NTRK3: variants seen among roughly 807,000 people sequenced by gnomAD.
NTRK3 encodes the protein NT-3 growth factor receptor.
NTRK3 carries 24 observed loss-of-function variants against 91.7 expected under a neutral mutation model. The ratio of observed to expected loss-of-function variants is 0.26; its 90% CI spans 0.19 to 0.37. NTRK3 has a LOEUF of 0.37. Ranked by LOEUF, NTRK3 falls within the 10% of genes least tolerant of loss-of-function variation. NTRK3 has a pLI of 1.00. For missense variants in NTRK3, 880 were observed against 1,068.9 expected (o/e 0.82, Z 2.46); for synonymous variants, 483 against 404.0 (o/e 1.20, Z -2.34).
Position 88,110,237 on chromosome 15 carries a change from A to G in NTRK3, c.1396+16034T>C, listed in dbSNP as rs530410524. 1.2e-3 allele frequency among the ~76,000 whole-genome samples: 179 copies of G among 152,324 alleles called. No individual in the cohort carries two copies. The South Asian group carries it at 0.018, about 15-fold the overall frequency. On this transcript the variant is annotated intron_variant, in intron 13 of 18. Transcript: ENST00000394480. ...AAAGTGGTGGGTAAAGAAAGAGACAATAAGGAAGAAAGAAGATCAGGTAAA... is the reference window on the plus strand; with the variant it reads ...AAAGTGGTGGGTAAAGAAAGAGACAGTAAGGAAGAAAGAAGATCAGGTAAA...
At chr15:87,917,358 G>T (rs556355097) in intron 17 of NTRK3, among the ~76,000 whole-genome samples, 4 of 152,332 alleles carry the variant, frequency 2.6e-5, no homozygotes, top group Admixed American at 1.3e-4. Flanking sequence ...AATAGAGTGA[G>T]CAAACCATCT....
rs530041854 is a variant in NTRK3, at chr15:88,118,360, G to A, written c.1396+7911C>T. On this transcript the variant is annotated intron_variant, in intron 13 of 18. Transcript: ENST00000394480. Reference sequence around the variant, plus strand: ...AGAGGAGAATATGCAGAGAGAGAAAGAATGTTCCATGAGAAGAGAGGAGGG... The same window carrying A: ...AGAGGAGAATATGCAGAGAGAGAAAAAATGTTCCATGAGAAGAGAGGAGGG... Among the ~76,000 whole-genome samples the A allele has an allele frequency of 1.5e-3, 224 of 152,278 alleles. 9 individuals carry two copies. In the South Asian group the frequency reaches 0.043, roughly 29 times the overall value.
chr15:88,028,585 C>A lies in NTRK3; in HGVS notation c.1585+4272G>T, dbSNP rs1470206357. ...GGGGAGAAGAGAGGAAAGGGCGGGC[C>A]AACCAGGATGGAGACAGGCCATCTT... On this transcript the variant is annotated intron_variant, in intron 14 of 18. Coordinates refer to ENST00000394480, the Ensembl canonical transcript of NTRK3. 2.6e-5 allele frequency among the ~76,000 whole-genome samples: 4 copies of A among 152,016 alleles called. No individual in the cohort carries two copies. The South Asian group carries it at 6.2e-4, about 24-fold the overall frequency.
chr15:88,056,130 CAGTT>C (rs1268033343), intron 13 of NTRK3, among the ~76,000 whole-genome samples: 1 of 148,794 alleles, frequency 6.7e-6, no homozygotes, highest in Non-Finnish European at 1.5e-5. Flanking sequence ...CTGAACAAAT[CAGTT>C]AGGACAACGT....
chr15:87,863,739 C>G (rs370914273), exon 19 of NTRK3: 2 of 228,678 alleles, frequency 8.7e-6, no homozygotes, highest in East Asian at 1.2e-4. Context: ...ATTTCTTTTT[C>G]TGATACCAGT....
chr15:88,163,181 G>A (rs1041913217), intron 5 of NTRK3, among the ~76,000 whole-genome samples: 27 of 152,210 alleles, frequency 1.8e-4, no homozygotes, highest in Middle Eastern at 3.4e-3. Context: ...CAGCCCCAAT[G>A]GACTATATAA....
At chr15:88,122,183 T>C (rs1041614828) in intron 13 of NTRK3, among the ~76,000 whole-genome samples, 1 of 152,248 alleles carries the variant, frequency 6.6e-6, no homozygotes, top group Non-Finnish European at 1.5e-5. Context: ...TACTGATATA[T>C]ATGCATGTCT....
At chr15:87,922,107 T>C (rs978803377) in intron 17 of NTRK3, among the ~76,000 whole-genome samples, 8 of 152,126 alleles carry the variant, frequency 5.3e-5, no homozygotes, top group Non-Finnish European at 1.0e-4. Flanking sequence ...TAAAAGTCAA[T>C]TGCCTCAAAT....
At chr15:88,076,929 A>G (rs1203708952) in intron 13 of NTRK3, among the ~76,000 whole-genome samples, 1 of 151,938 alleles carries the variant, frequency 6.6e-6, no homozygotes, top group Non-Finnish European at 1.5e-5. Context: ...CCCCACCTCT[A>G]CCAAAAATAC....
chr15:87,945,746 A>G (rs1250168349), intron 14 of NTRK3, among the ~76,000 whole-genome samples: 1 of 145,818 alleles, frequency 6.9e-6, no homozygotes, highest in East Asian at 2.3e-4. Flanking sequence ...GCGACCAGGG[A>G]GGAAGAGGGA....
rs1273060232 is a variant in NTRK3, at chr15:88,243,789, G to A, written c.248+12117C>T. On this transcript the variant is annotated intron_variant, in intron 3 of 18. Coordinates refer to ENST00000394480, the Ensembl canonical transcript of NTRK3. This position sits in a 1 kb window ranked among gnomAD's most constrained non-coding sequence, Gnocchi z 4.8. Reference sequence around the variant, plus strand: ...ACACCAGAAAGGCTCTGGTTTTTAGGTGCCAGGATTGTTTCATCACAATCA... The same window carrying A: ...ACACCAGAAAGGCTCTGGTTTTTAGATGCCAGGATTGTTTCATCACAATCA... Among the ~76,000 whole-genome samples the A allele has an allele frequency of 6.6e-6, 1 of 152,166 alleles. No homozygotes were observed. Among genetic ancestry groups the A allele is most frequent in the Non-Finnish European group, 1.5e-5 (1 of 68,030 alleles).
chr15:87,933,017 G>A, exon 16 of NTRK3: 1 of 1,614,078 alleles, frequency 6.2e-7, no homozygotes, highest in East Asian at 2.2e-5. Flanking sequence ...CTTACCTGAG[G>A]AACTTATTCA....
intron 13 of NTRK3, among the ~76,000 whole-genome samples, chr15:88,116,308 G>A (rs925765365): frequency 7.9e-5 from 12 of 152,102 alleles, no homozygotes; most frequent in African/African-American, 2.4e-4. Context: ...ATAGAGGCCC[G>A]GTGTGGTGGC....
exon 19 of NTRK3, chr15:87,866,753 G>A (rs902783458): frequency 5.2e-6 from 1 of 191,180 alleles, no homozygotes; most frequent in Admixed American, 6.1e-5. Context: ...CTGTGCTTAA[G>A]ATATAAACCT....
At chr15:87,980,258 T>A (rs562435488) in intron 14 of NTRK3, among the ~76,000 whole-genome samples, 1 of 152,362 alleles carries the variant, frequency 6.6e-6, no homozygotes, top group African/African-American at 2.4e-5. Context: ...GAGTTCCTAA[T>A]AAAATTTCCA....
chr15:87,948,453 C>A lies in NTRK3; in HGVS notation c.1586-7700G>T, dbSNP rs140032342. ...CTGTAATCCCAGCACTTTGGGAGGC[C>A]GAGGTGGGTGGATCACTTGAGGTCA... On this transcript the variant is annotated intron_variant, in intron 14 of 18. Coordinates refer to ENST00000394480, the Ensembl canonical transcript of NTRK3. 9.8e-3 allele frequency among the ~76,000 whole-genome samples: 1,492 copies of A among 152,210 alleles called. 25 individuals are homozygous for A. The highest frequency in any genetic ancestry group is 0.034 in the African/African-American group (1,410 of 41,538).
At position 88,003,015 on chromosome 15, in the gene NTRK3, C is replaced by T. The variant is rs1314600697; in HGVS notation, c.1585+29842G>A. ...TTTAAATCTATCAAAGGCAGCGTGC[C>T]AGCACATGAATCTTTGGTTCCACCC... On this transcript the variant is annotated intron_variant, in intron 14 of 18. Coordinates refer to ENST00000394480, the Ensembl canonical transcript of NTRK3. 2.0e-5 allele frequency among the ~76,000 whole-genome samples: 3 copies of T among 152,178 alleles called. No individual in the cohort carries two copies. The South Asian group carries it at 6.2e-4, about 32-fold the overall frequency.
intron 17 of NTRK3, among the ~76,000 whole-genome samples, chr15:87,901,510 G>A (rs1254749563): frequency 6.6e-6 from 1 of 152,172 alleles, no homozygotes; most frequent in African/African-American, 2.4e-5. Context: ...TGAAGCTCTG[G>A]CCTCCACCAT....
chr15:87,901,210 G>T (rs970443650), intron 17 of NTRK3, among the ~76,000 whole-genome samples: 1 of 152,194 alleles, frequency 6.6e-6, no homozygotes, highest in African/African-American at 2.4e-5. Flanking sequence ...AGGTCAAAAG[G>T]CAGGAGAGGA....
Sources: gnomAD v4.1 joint callset for allele counts (sites outside exome capture counted in the v4.1 genomes callset) on GRCh38, gnomAD v4.1.1 for gene constraint, Gnocchi (gnomAD v3.1) non-coding constraint, MANE v1.5 for transcripts, NCBI Gene and HGNC (gene_info 2026-07-23, HGNC 2026-07-21) for gene names.